The following PITRM1 variants were observed in gnomAD, a reference collection of about 807,000 sequenced individuals.
The protein encoded by PITRM1 is pitrilysin metallopeptidase 1.
A neutral mutation model predicts 129.9 loss-of-function variants in PITRM1; 100 were observed. The ratio of observed to expected loss-of-function variants is 0.77; its 90% CI spans 0.65 to 0.91. PITRM1 has a LOEUF of 0.91. Among genes scored for constraint, PITRM1 ranks in the 40% least tolerant of loss-of-function variants. PITRM1 has a pLI of 0.00. For synonymous variants in PITRM1, 591 were observed against 508.8 expected (o/e 1.16, Z -2.17); for missense variants, 1,471 against 1,318.3 (o/e 1.12, Z -1.79).
chr10:3,172,021 G>A (rs989337662), intron 1 of PITRM1, among the ~76,000 whole-genome samples: 3 of 152,176 alleles, frequency 2.0e-5, no homozygotes, highest in African/African-American at 7.2e-5. Flanking sequence ...ACCAACATTT[G>A]CTTACTGATT....
intron 1 of PITRM1, 73 bp downstream of exon 1, chr10:3,172,644 C>T: frequency 1.5e-6 from 2 of 1,360,984 alleles, no homozygotes; most frequent in East Asian, 2.7e-5. Flanking sequence ...AGGACCCCTA[C>T]GCCTCCGGCC....
At position 3,163,884 on chromosome 10, in the gene PITRM1, G is replaced by A. The variant is rs779711160; in HGVS notation, c.632C>T (p.Thr211Ile). The change falls in exon 7 of 27, where the codon ACA becomes ATA. Residue 211 changes from threonine (T) to isoleucine (I), a missense_variant and splice_region_variant. Thr to Ile is a moderately conservative substitution (Grantham distance 89, BLOSUM62 -1). Transcript: ENST00000224949. ...VVFNEMKGAF[T>I]DNERIFSQHL... is the part of the protein sequence containing the mutation. ...CTGGGAGAATATCCTCTCATTGTCT[G>A]TCTTGAAACGTAAAATAAATAAATC... is the stretch of plus-strand genomic sequence containing the variant. 6.3e-7 allele frequency: 1 copy of A among 1,586,162 alleles called. No homozygotes were observed. Among genetic ancestry groups the A allele is most frequent in the Admixed American group, 1.8e-5 (1 of 55,902 alleles).
At chr10:3,151,106 G>C in intron 15 of PITRM1, 141 bp downstream of exon 15, 1 of 662,698 alleles carries the variant, frequency 1.5e-6, no homozygotes. Context: ...GAATCGTGTA[G>C]AGCGAGACTA....
Position 3,163,722 on chromosome 10 carries a change from T to C in PITRM1, c.791+3A>G. 1 of 1,589,406 alleles carries C rather than the reference T, an allele frequency of 6.3e-7. No individual in the cohort carries two copies. The highest frequency in any genetic ancestry group is 2.3e-5 in the East Asian group (1 of 44,064). On this transcript the variant is annotated splice_donor_region_variant and intron_variant, in intron 7 of 26. Transcript: ENST00000224949. The stretch of plus-strand genomic sequence containing the variant: ...CCATCAAACTTTTCCAACAAAATAT[T>C]ACCTAGCATTGCTTGGGTGATAGTG...
Position 3,147,645 on chromosome 10 carries a change from T to C in PITRM1, c.2162A>G (p.Tyr721Cys), listed in dbSNP as rs769188887. 1 of 1,613,958 alleles carries C rather than the reference T, an allele frequency of 6.2e-7. No individual in the cohort carries two copies. Among genetic ancestry groups the C allele is most frequent in the South Asian group, 1.1e-5 (1 of 91,082 alleles). The stretch of plus-strand genomic sequence containing the variant: ...GGTCCGGCCTGCCCTGATGGATGCG[T>C]ACAGGTGCCCAGAGTCAGGAATTCC... ...ANGIPDSGHLYASIRAGRTLT... is the reference protein window; with the variant it reads ...ANGIPDSGHLCASIRAGRTLT... The change falls in exon 19 of 27, where the codon TAC (tyrosine) becomes TGC (cysteine). Residue 721 changes from tyrosine to cysteine, a missense_variant. Coordinates refer to ENST00000224949, the MANE Select transcript of PITRM1 (RefSeq NM_014889.4).
At chr10:3,154,197 G>A (rs4880596) in intron 14 of PITRM1, among the ~76,000 whole-genome samples, 71,587 of 152,108 alleles carry the variant, frequency 0.47, 17,293 homozygotes, top group East Asian at 0.53. Context: ...AATACCAAGC[G>A]TGCATCATTG....
Position 3,155,656 on chromosome 10 carries a change from G to A in PITRM1, c.1556C>T (p.Ala519Val). The change falls in exon 14 of 27, where the codon GCC becomes GTC. Residue 519 changes from alanine (A) to valine (V), a missense_variant. Transcript: ENST00000224949. The stretch of plus-strand genomic sequence containing the variant: ...CTCGACCTTCTGCTTGAGCTTCGTG[G>A]CTTCCACCTGTGCCTGCTTCTCGTG... The part of the protein sequence containing the change: ...KYHEKQAQVE[A>V]TKLKQKVEAL... 1.9e-6 allele frequency: 3 copies of A among 1,613,862 alleles called. No homozygotes were observed. The East Asian group carries it at 6.7e-5, about 36-fold the overall frequency.
chr10:3,149,524 G>A, intron 16 of PITRM1, 97 bp downstream of exon 16: 1 of 1,233,384 alleles, frequency 8.1e-7, no homozygotes, highest in Non-Finnish European at 1.1e-6. Flanking sequence ...TGTAAGTTGT[G>A]ATTCACTGAA....
Position 3,147,717 on chromosome 10 carries a change from T to C in PITRM1, c.2090A>G (p.Glu697Gly). 1 of 1,596,566 alleles carries C rather than the reference T, an allele frequency of 6.3e-7. No homozygotes were observed. The highest frequency in any genetic ancestry group is 8.5e-7 in the Non-Finnish European group (1 of 1,173,826). Residue 697 changes from glutamate (E) to glycine (G), a missense_variant, in exon 19 of 27, where the codon GAG becomes GGG. Coordinates refer to ENST00000224949, the MANE Select transcript of PITRM1 (RefSeq NM_014889.4). ...CATCTTCACCAGCACCTTGAAGTGCTCCTCTTCTTCAAAGCACGGGCTATG... is the reference window on the plus strand; with the variant it reads ...CATCTTCACCAGCACCTTGAAGTGCCCCTCTTCTTCAAAGCACGGGCTATG... ...IFNNPCFEEE[E>G]HFKVLVKMTA...
intron 7 of PITRM1, among the ~76,000 whole-genome samples, chr10:3,160,586 G>A (rs1348131265): frequency 6.6e-6 from 1 of 152,018 alleles, no homozygotes; most frequent in Non-Finnish European, 1.5e-5. Flanking sequence ...CTCTCGCTGT[G>A]CCTAATTTAT....
chr10:3,159,711 T>G lies in PITRM1; in HGVS notation c.1007+137A>C, dbSNP rs924984720. On this transcript the variant is annotated intron_variant, in intron 9 of 26. Transcript: ENST00000224949. Reference sequence around the variant, plus strand: ...AAAACTTCGACATTTTGTTCTCTATTCCTAAAATCCACTTAACCCCTGAAT... The same window carrying G: ...AAAACTTCGACATTTTGTTCTCTATGCCTAAAATCCACTTAACCCCTGAAT... The G allele has an allele frequency of 1.1e-5, 6 of 553,532 alleles. No individual in the cohort carries two copies. The Admixed American group carries it at 1.3e-4, about 12-fold the overall frequency. The allele number at this position is 553,532 out of a possible 1,614,324, so 34.3% of individuals were successfully genotyped here.
In PITRM1 at chr10:3,138,264, GCTGACAGCAAAGAGCTGCTCT is replaced by G; in HGVS notation, c.2970_2990del (p.Arg990_Val996del). On this transcript the variant is annotated inframe_deletion, in exon 26 of 27. Transcript: ENST00000224949. ...CGCTCACGGCCAGGAGCTTGTCGTG[GCTGACAGCAAAGAGCTGCTCT>G]CTGTGGGCCTGCTTCATCTCATCCG... is the stretch of plus-strand genomic sequence containing the variant. 1 of 1,613,578 alleles carries G rather than the reference GCTGACAGCAAAGAGCTGCTCT, an allele frequency of 6.2e-7. No individual in the cohort carries two copies. The highest frequency in any genetic ancestry group is 8.5e-7 in the Non-Finnish European group (1 of 1,179,534).
At chr10:3,163,544 T>C (rs930907191) in intron 7 of PITRM1, 181 bp downstream of exon 7, 6 of 526,540 alleles carry the variant, frequency 1.1e-5, no homozygotes, top group East Asian at 3.5e-5. Flanking sequence ...AGGGCTATCA[T>C]TGTAAATGTC....
At chr10:3,157,643 A>C in intron 11 of PITRM1, 112 bp from the exon 12 acceptor site, 1 of 656,114 alleles carries the variant, frequency 1.5e-6, no homozygotes, top group South Asian at 1.9e-5. Context: ...GGCATTTAAG[A>C]CCAGCTTGGG....
intron 7 of PITRM1, among the ~76,000 whole-genome samples, chr10:3,161,567 C>T (rs1017010139): frequency 1.3e-5 from 2 of 151,926 alleles, no homozygotes; most frequent in African/African-American, 4.8e-5. Context: ...TGTTCAGATG[C>T]TGCTCTCCAA....
chr10:3,142,092 A>G lies in PITRM1; in HGVS notation c.2646-1280T>C, dbSNP rs72780420. On this transcript the variant is annotated intron_variant, in intron 23 of 26. Coordinates refer to ENST00000224949, the MANE Select transcript of PITRM1 (RefSeq NM_014889.4). Reference sequence around the variant, plus strand: ...TCTGGAATCCCACTGCCCAGGGGGAACCTCCACATTTTTAGTGTTTTCTGT... The same window carrying G: ...TCTGGAATCCCACTGCCCAGGGGGAGCCTCCACATTTTTAGTGTTTTCTGT... Among the ~76,000 whole-genome samples the G allele has an allele frequency of 9.5e-3, 1,454 of 152,340 alleles. 15 individuals are homozygous for G. The highest frequency in any genetic ancestry group is 0.054 in the Middle Eastern group (16 of 294).
chr10:3,154,699 C>T lies in PITRM1; in HGVS notation c.1621+892G>A, dbSNP rs1177103632. 2.6e-5 allele frequency among the ~76,000 whole-genome samples: 4 copies of T among 152,216 alleles called. No individual in the cohort carries two copies. In the South Asian group the frequency reaches 6.2e-4, roughly 24 times the overall value. On this transcript the variant is annotated intron_variant, in intron 14 of 26. Coordinates refer to ENST00000224949, the MANE Select transcript of PITRM1 (RefSeq NM_014889.4). Reference sequence around the variant, plus strand: ...TGTGTGTTCTCATTACTGAATTGTTCGTTTTTCGTATATTCTGAATACAGG... The same window carrying T: ...TGTGTGTTCTCATTACTGAATTGTTTGTTTTTCGTATATTCTGAATACAGG...
At chr10:3,145,827 G>C (rs1840803423) in intron 20 of PITRM1, 111 bp from the exon 21 acceptor site, 1 of 903,622 alleles carries the variant, frequency 1.1e-6, no homozygotes, top group Non-Finnish European at 1.7e-6. Context: ...ATACTGTTCA[G>C]AGTGTTAAAC....
rs776460038 is a variant in PITRM1 at position 3,160,298 on chromosome 10, T to C, written c.824A>G (p.Gln275Arg). The C allele has an allele frequency of 3.7e-6, 6 of 1,612,972 alleles. No individual in the cohort carries two copies. Among genetic ancestry groups the C allele is most frequent in the Non-Finnish European group, 1.7e-6 (2 of 1,179,036 alleles). Residue 275 changes from glutamine to arginine, a missense_variant, in exon 8 of 27, where the codon CAG (glutamine) becomes CGG (arginine). Gln to Arg is a conservative substitution (Grantham distance 43). Transcript: ENST00000224949. ...FFTYGNFPLE[Q>R]HLKQIHEEAL... ...TTCCTCGTGAATTTGTTTCAGATGC[T>C]GTTCTAATGGAAAATTACCGTACGT...
Sources: allele counts gnomAD v4.1 joint callset (sites outside exome capture counted in the v4.1 genomes callset), GRCh38; gene constraint gnomAD v4.1.1; transcripts MANE v1.5; gene names NCBI Gene and HGNC (gene_info 2026-07-23, HGNC 2026-07-21).